The following SYNC variants were observed in gnomAD, a reference collection of about 807,000 sequenced individuals.
The protein encoded by SYNC is syncoilin.
In SYNC, 38 loss-of-function variants were observed where a neutral mutation model predicts 49.5. That is an observed-to-expected ratio of 0.77 (90% CI 0.59 to 1.01). SYNC has a LOEUF of 1.01. SYNC is among the 50% of genes least tolerant of loss of function. SYNC has a pLI of 0.00. For synonymous variants in SYNC, 201 were observed against 230.8 expected, an observed-to-expected ratio of 0.87 and a Z score of 1.17; for missense variants, 579 against 580.6, an observed-to-expected ratio of 1.00 and a Z score of 0.03.
At chr1:32,701,181 CT>C (rs1300647630) in intron 1 of SYNC, among the ~76,000 whole-genome samples, 1 of 152,148 alleles carries the variant, frequency 6.6e-6, no homozygotes. Context: ...TCCCAAAGTG[CT>C]GGGATTACAG....
At position 32,702,490 on chromosome 1, in the gene SYNC, C is replaced by CA; in HGVS notation, c.53+117_53+118insT. The CA allele has an allele frequency of 9.7e-7, 1 of 1,035,332 alleles. No homozygotes were observed. Among genetic ancestry groups the CA allele is most frequent in the Non-Finnish European group, 1.2e-6 (1 of 827,170 alleles). 64.1% of individuals were successfully genotyped at this position (1,035,332 alleles called of 1,614,324 possible). ...CACGAGGCGGCTCCAGTGCCCCACCCCGGCTGGACCACTACCCCTAGACAG... is the reference window on the plus strand; with the variant it reads ...CACGAGGCGGCTCCAGTGCCCCACCCACGGCTGGACCACTACCCCTAGACAG... On this transcript the variant is annotated intron_variant, in intron 1 of 4. Transcript: ENST00000409190. The surrounding 1 kb of genome is among the most constrained non-coding windows in gnomAD (Gnocchi z 6.2).
At position 32,695,116 on chromosome 1, in the gene SYNC, A is replaced by G. The variant is rs1372146655; in HGVS notation, c.982T>C (p.Phe328Leu). The change falls in exon 2 of 5, where the codon TTT (phenylalanine) becomes CTT (leucine). Residue 328 changes from phenylalanine (F) to leucine (L), a missense_variant. Physicochemically the swap from Phe to Leu is conservative, Grantham distance 22 (BLOSUM62 0). Transcript: ENST00000409190. ...CGGCTCTCTGCCATGAGATTTTCAAACTGGGCAGAGAGTCGCCGGCTTTCC... is the reference window on the plus strand; with the variant it reads ...CGGCTCTCTGCCATGAGATTTTCAAGCTGGGCAGAGAGTCGCCGGCTTTCC... ...LQESRRLSAQFENLMAESRQD... is the reference protein window; with the variant it reads ...LQESRRLSAQLENLMAESRQD... 1 of 1,612,640 alleles carries G rather than the reference A, an allele frequency of 6.2e-7. No homozygotes were observed. Among genetic ancestry groups the G allele is most frequent in the Non-Finnish European group, 8.5e-7 (1 of 1,179,650 alleles).
rs977180097 is a variant in SYNC at position 32,695,631 on chromosome 1, C to T, written c.467G>A (p.Arg156Lys). The part of the protein sequence containing the change: ...AEKSNPEESL[R>K]AEQSPSMEEN... Reference sequence around the variant, plus strand: ...CTCCATGCTGGGGCTCTGCTCGGCTCTGAGGCTCTCCTCAGGGTTAGATTT... The same window carrying T: ...CTCCATGCTGGGGCTCTGCTCGGCTTTGAGGCTCTCCTCAGGGTTAGATTT... Residue 156 changes from arginine to lysine, a missense_variant, in exon 2 of 5, where the codon AGA (arginine) becomes AAA (lysine). Arg to Lys is a conservative substitution (Grantham distance 26). Transcript: ENST00000409190. The T allele has an allele frequency of 1.3e-6, 2 of 1,551,554 alleles. No homozygotes were observed. The highest frequency in any genetic ancestry group is 2.7e-5 in the African/African-American group (2 of 72,948).
rs988274452 is a variant in SYNC at position 32,680,502 on chromosome 1, A to G, written c.*1348T>C. ...GTTTTAAAAATTAAATTAATCCTTG[A>G]TAAGAGTTGCTTTTTTTTTTTAGGA... On this transcript the variant is annotated 3_prime_UTR_variant, in exon 5 of 5. Transcript: ENST00000409190. 3 of 1,540,554 alleles carry G rather than the reference A, an allele frequency of 1.9e-6. No homozygotes were observed. The highest frequency in any genetic ancestry group is 2.6e-6 in the Non-Finnish European group (3 of 1,143,426).
intron 2 of SYNC, chr1:32,685,920 T>G (rs1649793564): frequency 6.6e-6 from 1 of 152,214 alleles, no homozygotes; most frequent in African/African-American, 2.4e-5. Context: ...GGCTTTCCAC[T>G]TTCTTTAGTG....
intron 1 of SYNC, among the ~76,000 whole-genome samples, chr1:32,696,990 C>T (rs1388385723): frequency 2.0e-5 from 3 of 151,064 alleles, no homozygotes; most frequent in East Asian, 2.0e-4. Context: ...TCAAGTGATC[C>T]GCCCTCTTCA....
rs765622072 is a variant in SYNC at position 32,695,154 on chromosome 1, C to T, written c.944G>A (p.Gly315Glu). The change falls in exon 2 of 5, where the codon GGG becomes GAG. Residue 315 changes from glycine to glutamate, a missense_variant. Transcript: ENST00000409190. ...TCGCCGGCTTTCCTGGAGAAAGTGCCCATCCCTCTGGCTTGGAGGGGCTTC... is the reference window on the plus strand; with the variant it reads ...TCGCCGGCTTTCCTGGAGAAAGTGCTCATCCCTCTGGCTTGGAGGGGCTTC... The part of the protein sequence containing the change: ...QLEAPPSQRD[G>E]HFLQESRRLS... 22 of 1,600,008 alleles carry T rather than the reference C, an allele frequency of 1.4e-5. No individual in the cohort carries two copies. In the South Asian group the frequency reaches 2.3e-4, roughly 17 times the overall value.
intron 1 of SYNC, among the ~76,000 whole-genome samples, chr1:32,696,416 C>G (rs545473182): frequency 6.6e-6 from 1 of 151,900 alleles, no homozygotes; most frequent in Admixed American, 6.6e-5. Context: ...CCAGTTCATG[C>G]GATTCTCTTG....
Position 32,681,598 on chromosome 1 carries a change from C to G in SYNC, c.*252G>C, listed in dbSNP as rs1649439953. On this transcript the variant is annotated 3_prime_UTR_variant, in exon 5 of 5. Coordinates refer to ENST00000409190, the MANE Select transcript of SYNC (RefSeq NM_030786.3). Reference sequence around the variant, plus strand: ...AAGACAGGAGGCTCATCTTTCCTTTCCTTGGTGCATTGAGATCAGTATCAA... The same window carrying G: ...AAGACAGGAGGCTCATCTTTCCTTTGCTTGGTGCATTGAGATCAGTATCAA... 1 of 587,116 alleles carries G rather than the reference C, an allele frequency of 1.7e-6. No individual in the cohort carries two copies. Among genetic ancestry groups the G allele is most frequent in the Non-Finnish European group, 3.0e-6 (1 of 331,032 alleles). 36.4% of individuals were successfully genotyped at this position (587,116 alleles called of 1,614,324 possible). A position where few individuals can be genotyped will look rare whatever the true frequency, so the allele number is the denominator to read the frequency against.
In SYNC at chr1:32,680,586, C is replaced by T. The variant is rs1248299243; in HGVS notation, c.*1264G>A. Reference sequence around the variant, plus strand: ...CATTTTGGGTGACCTGTTTCACCAGCAGGCCTGTTACTCTCCATGACTAAC... The same window carrying T: ...CATTTTGGGTGACCTGTTTCACCAGTAGGCCTGTTACTCTCCATGACTAAC... On this transcript the variant is annotated 3_prime_UTR_variant, in exon 5 of 5. Coordinates refer to ENST00000409190, the MANE Select transcript of SYNC (RefSeq NM_030786.3). 1 of 1,489,334 alleles carries T rather than the reference C, an allele frequency of 6.7e-7. No individual in the cohort carries two copies. Among genetic ancestry groups the T allele is most frequent in the Non-Finnish European group, 9.1e-7 (1 of 1,093,896 alleles). The allele number at this position is 1,489,334 out of a possible 1,614,324, so 92.3% of individuals were successfully genotyped here.
At chr1:32,692,906 G>C (rs1292710135) in intron 2 of SYNC, among the ~76,000 whole-genome samples, 1 of 151,844 alleles carries the variant, frequency 6.6e-6, no homozygotes, top group African/African-American at 2.4e-5. Flanking sequence ...TCAGGAGGCT[G>C]AAATGAGAAT....
rs1650401113 is a variant in SYNC, at chr1:32,695,770, CCA to C, written c.326_327del (p.Val109GlyfsTer30). ...ATCCGATCTGGCTCCGTGGTTTCCT[CCA>C]CACACACTGTCTCCTCTGGATTCCC... ...EPGNPEETVCVEETTEPDRIQ... is the reference protein window; with the variant it reads ...EPGNPEETVCXEETTEPDRIQ... On this transcript the variant is annotated frameshift_variant, in exon 2 of 5. Coordinates refer to ENST00000409190, the MANE Select transcript of SYNC (RefSeq NM_030786.3). LOFTEE classifies it high-confidence loss of function. 1 of 1,551,704 alleles carries C rather than the reference CCA, an allele frequency of 6.4e-7. No individual in the cohort carries two copies. Among genetic ancestry groups the C allele is most frequent in the South Asian group, 1.2e-5 (1 of 84,060 alleles).
chr1:32,693,762 C>T (rs901384351), intron 2 of SYNC, among the ~76,000 whole-genome samples: 2 of 152,148 alleles, frequency 1.3e-5, no homozygotes, highest in African/African-American at 4.8e-5. Flanking sequence ...CTGGCTCACA[C>T]TTAATCAGAA....
intron 4 of SYNC, chr1:32,682,071 T>C: frequency 1.8e-6 from 1 of 549,668 alleles, no homozygotes; most frequent in South Asian, 2.3e-5. Context: ...CTAGGTTAAC[T>C]TCTTACAGGT....
intron 2 of SYNC, chr1:32,686,018 T>G (rs1649804602): frequency 6.6e-6 from 1 of 152,206 alleles, no homozygotes; most frequent in Non-Finnish European, 1.5e-5. Context: ...AGCCCTGGAC[T>G]ACTAGTACCG....
At chr1:32,681,967 A>G in intron 4 of SYNC, 107 bp from the exon 5 acceptor site, 11 of 1,017,282 alleles carry the variant, frequency 1.1e-5, no homozygotes, top group Non-Finnish European at 1.4e-5. Flanking sequence ...ATGATCAGGG[A>G]TGACTTTCCC....
chr1:32,683,788 A>G (rs920355054), intron 4 of SYNC: 1 of 489,316 alleles, frequency 2.0e-6, no homozygotes, highest in African/African-American at 2.0e-5. Context: ...GCCTGCCACT[A>G]TGCCCGGCTA....
chr1:32,682,771 A>G (rs1649533054), intron 4 of SYNC: 1 of 152,202 alleles, frequency 6.6e-6, no homozygotes, highest in Admixed American at 6.5e-5. Flanking sequence ...ACTGTCTCAA[A>G]AAAAAAAGAA....
Position 32,694,012 on chromosome 1 carries a change from G to A in SYNC, c.1233+853C>T, listed in dbSNP as rs1345050758. Among the ~76,000 whole-genome samples the A allele has an allele frequency of 4.1e-4, 62 of 151,944 alleles. 1 individual carries two copies. The highest frequency in any genetic ancestry group is 1.9e-4 in the East Asian group (1 of 5,182). ...AGCTCTTTGGGAGGCCAAGGCAGGC[G>A]GATAGCTTGAGCTCAGGAGTTCAAA... On this transcript the variant is annotated intron_variant, in intron 2 of 4. Coordinates refer to ENST00000409190, the MANE Select transcript of SYNC (RefSeq NM_030786.3).
Sources: gnomAD v4.1 joint callset for allele counts (sites outside exome capture counted in the v4.1 genomes callset) on GRCh38, gnomAD v4.1.1 for gene constraint, Gnocchi (gnomAD v3.1) non-coding constraint, MANE v1.5 for transcripts, NCBI Gene and HGNC (gene_info 2026-07-23, HGNC 2026-07-21) for gene names.